SORCS2: variants seen among roughly 807,000 people sequenced by gnomAD.
SORCS2 encodes the protein sortilin related VPS10 domain containing receptor 2, also known as VPS10 domain-containing receptor SorCS2.
A neutral mutation model predicts 141.6 loss-of-function variants in SORCS2; 100 were observed. That is an observed-to-expected ratio of 0.71 (90% confidence interval 0.60 to 0.83). The LOEUF is 0.83. Ranked by LOEUF, SORCS2 falls within the 40% of genes least tolerant of loss-of-function variation. SORCS2 has a pLI of 0.00. For missense variants in SORCS2, 1,646 were observed against 1,560.2 expected (o/e 1.05, Z -0.93); for synonymous variants, 789 against 676.9 (o/e 1.17, Z -2.57).
chr4:7,485,790 C>G (rs945528883), intron 2 of SORCS2, among the ~76,000 whole-genome samples: 2 of 152,102 alleles, frequency 1.3e-5, no homozygotes, highest in Non-Finnish European at 2.9e-5. Context: ...GATGAGGCTC[C>G]CAGTGGCAGG....
rs1577352094 is a variant in SORCS2, at chr4:7,281,762, G to A, written c.480+88636G>A. Among the ~76,000 whole-genome samples the A allele has an allele frequency of 2.6e-5, 4 of 152,286 alleles. No individual in the cohort carries two copies. In the South Asian group the frequency reaches 8.3e-4, roughly 32 times the overall value. On this transcript the variant is annotated intron_variant, in intron 1 of 26. Coordinates refer to ENST00000507866, the MANE Select transcript of SORCS2 (RefSeq NM_020777.3). Reference sequence around the variant, plus strand: ...CGGTCCCTCTTTCCTCTCACCTCCTGCCTTCCCTTCTGGGATGATCCTGTG... The same window carrying A: ...CGGTCCCTCTTTCCTCTCACCTCCTACCTTCCCTTCTGGGATGATCCTGTG...
At chr4:7,380,941 G>T (rs947861767) in intron 1 of SORCS2, among the ~76,000 whole-genome samples, 110 of 152,260 alleles carry the variant, frequency 7.2e-4, no homozygotes, top group African/African-American at 2.5e-3. Context: ...AATTAGCTGG[G>T]TGTGGTGGCA....
rs530966564 is a variant in SORCS2 at position 7,656,681 on chromosome 4, C to T, written c.887+2474C>T. On this transcript the variant is annotated intron_variant, in intron 5 of 26. Coordinates refer to ENST00000507866, the MANE Select transcript of SORCS2 (RefSeq NM_020777.3). ...GCTTCACCGGGTGTTCCTGCATCTG[C>T]CTCCTTGCTCAGCCCCACGCTCACC... Among the ~76,000 whole-genome samples the T allele has an allele frequency of 2.1e-3, 322 of 152,344 alleles. 1 individual carries two copies. The highest frequency in any genetic ancestry group is 3.6e-3 in the Non-Finnish European group (245 of 68,028).
chr4:7,542,383 A>G (rs1050865223), intron 3 of SORCS2, among the ~76,000 whole-genome samples: 7 of 152,094 alleles, frequency 4.6e-5, no homozygotes, highest in African/African-American at 1.7e-4. Flanking sequence ...CATTTCCAAC[A>G]TGACTGGTAT....
chr4:7,655,907 T>A (rs1177938455), intron 5 of SORCS2, among the ~76,000 whole-genome samples: 1 of 152,192 alleles, frequency 6.6e-6, no homozygotes, highest in East Asian at 1.9e-4. Flanking sequence ...AGAGGGAAAT[T>A]GGCGATAATT....
At chr4:7,282,111 C>T (rs1560162215) in intron 1 of SORCS2, among the ~76,000 whole-genome samples, 1 of 152,194 alleles carries the variant, frequency 6.6e-6, no homozygotes, top group Non-Finnish European at 1.5e-5. Flanking sequence ...TGGTTTTTCC[C>T]ACGGAACTCA....
At chr4:7,559,613 G>C (rs941914129) in intron 3 of SORCS2, among the ~76,000 whole-genome samples, 2 of 152,064 alleles carry the variant, frequency 1.3e-5, no homozygotes, top group African/African-American at 4.8e-5. Flanking sequence ...GGCTGGGATC[G>C]AGGCATCAGC....
intron 3 of SORCS2, among the ~76,000 whole-genome samples, chr4:7,619,629 C>T (rs1719018104): frequency 1.3e-5 from 2 of 152,152 alleles, no homozygotes; most frequent in Admixed American, 6.5e-5. Flanking sequence ...TCCTTGGGTG[C>T]CAGTGTCCCG....
At chr4:7,388,485 C>T (rs1474254701) in intron 1 of SORCS2, among the ~76,000 whole-genome samples, 1 of 152,064 alleles carries the variant, frequency 6.6e-6, no homozygotes, top group Non-Finnish European at 1.5e-5. Context: ...CCAAATGGTT[C>T]CAAATGTCAT....
At chr4:7,590,548 T>G (rs531122305) in intron 3 of SORCS2, among the ~76,000 whole-genome samples, 4 of 152,284 alleles carry the variant, frequency 2.6e-5, no homozygotes, top group Admixed American at 2.6e-4. Flanking sequence ...AGCATTCTCA[T>G]GTGCTTTGTC....
intron 10 of SORCS2, among the ~76,000 whole-genome samples, chr4:7,685,500 G>A (rs776404653): frequency 8.6e-5 from 13 of 152,018 alleles, no homozygotes; most frequent in Non-Finnish European, 1.5e-4. Flanking sequence ...ATGAAACCCC[G>A]TCTCTACTAA....
Position 7,473,612 on chromosome 4 carries a change from C to T in SORCS2, c.549-57918C>T, listed in dbSNP as rs564273672. 2.3e-4 allele frequency among the ~76,000 whole-genome samples: 35 copies of T among 152,176 alleles called. 1 individual carries two copies. Among genetic ancestry groups the T allele is most frequent in the Non-Finnish European group, 4.6e-4 (31 of 68,044 alleles). ...CTGGAAACCCAAGACAGAATCGGGT[C>T]ACAAAGGGCCCCGAATGCCAAGCAT... On this transcript the variant is annotated intron_variant, in intron 2 of 26. Transcript: ENST00000507866.
At chr4:7,316,409 A>C (rs62277341) in intron 1 of SORCS2, among the ~76,000 whole-genome samples, 90,204 of 151,362 alleles carry the variant, frequency 0.6, 26,905 homozygotes, top group South Asian at 0.72. Context: ...TTCCATTGAC[A>C]ATCTTCTATA....
chr4:7,496,962 G>C (rs1731669100), intron 2 of SORCS2, among the ~76,000 whole-genome samples: 1 of 152,232 alleles, frequency 6.6e-6, no homozygotes, highest in Admixed American at 6.5e-5. Flanking sequence ...TGATTGCCTG[G>C]CATGTAGGAG....
intron 3 of SORCS2, among the ~76,000 whole-genome samples, chr4:7,597,412 A>G (rs1214171579): frequency 7.1e-6 from 1 of 140,208 alleles, no homozygotes; most frequent in Non-Finnish European, 1.5e-5. Context: ...GGCTGTTGCA[A>G]TAGGAGAGGG....
intron 3 of SORCS2, among the ~76,000 whole-genome samples, chr4:7,630,943 G>C (rs1719850826): frequency 6.6e-6 from 1 of 152,064 alleles, no homozygotes; most frequent in Non-Finnish European, 1.5e-5. Context: ...ATCCTCCCCA[G>C]GACAGAGATT....
At chr4:7,593,586 C>G (rs1395906387) in intron 3 of SORCS2, among the ~76,000 whole-genome samples, 2 of 152,078 alleles carry the variant, frequency 1.3e-5, no homozygotes, top group African/African-American at 4.8e-5. Flanking sequence ...CTGGCCGAGC[C>G]TCAGTGGCTG....
intron 1 of SORCS2, among the ~76,000 whole-genome samples, chr4:7,386,265 CAG>C (rs1251289035): frequency 6.5e-5 from 4 of 61,386 alleles, no homozygotes; most frequent in Non-Finnish European, 1.0e-4. Flanking sequence ...TACAGGTACA[CAG>C]AGATACACAC....
At chr4:7,241,689 C>T (rs959169119) in intron 1 of SORCS2, among the ~76,000 whole-genome samples, 2 of 152,200 alleles carry the variant, frequency 1.3e-5, no homozygotes, top group East Asian at 3.8e-4. Flanking sequence ...CACACGATGC[C>T]ATTCCGTAGT....
Sources: allele counts gnomAD v4.1 joint callset (sites outside exome capture counted in the v4.1 genomes callset), GRCh38; gene constraint gnomAD v4.1.1; transcripts MANE v1.5; gene names NCBI Gene and HGNC (gene_info 2026-07-23, HGNC 2026-07-21).